The following AMZ2 variants were observed in gnomAD, a reference collection of about 807,000 sequenced individuals.
AMZ2 encodes archaemetzincin-2.
Under a neutral mutation model 36.7 loss-of-function variants are expected in AMZ2, and 26 were observed. The ratio of observed to expected loss-of-function variants is 0.71; its 90% CI spans 0.52 to 0.98. The LOEUF (loss-of-function observed/expected upper bound fraction) is 0.98. Among genes scored for constraint, AMZ2 ranks in the 50% least tolerant of loss-of-function variants. The probability of loss-of-function intolerance (pLI) is 0.00; values close to 1 mark genes in which losing one functional copy is unlikely to be tolerated. For synonymous variants in AMZ2, 144 were observed against 149.1 expected (o/e 0.97, Z 0.25); for missense variants, 394 against 430.5 (o/e 0.92, Z 0.75).
intron 1 of AMZ2, among the ~76,000 whole-genome samples, chr17:68,221,845 C>T (rs1555728633): frequency 1.3e-5 from 2 of 152,084 alleles, no homozygotes; most frequent in African/African-American, 2.4e-5. Flanking sequence ...GAGCTGAGTT[C>T]GCACCACTGC....
intron 1 of AMZ2, among the ~76,000 whole-genome samples, chr17:68,221,584 G>T (rs1489098695): frequency 1.3e-5 from 2 of 152,032 alleles, no homozygotes. Flanking sequence ...AAAATTAGCC[G>T]GGTGTGGTGG....
upstream of AMZ2, chr17:68,247,835 T>C (rs1179688402): frequency 2.0e-6 from 2 of 985,490 alleles, no homozygotes; most frequent in Non-Finnish European, 2.4e-6. Flanking sequence ...GGTGGACAGC[T>C]GGGGCTTGTA....
chr17:68,222,738 T>C (rs1555728875), intron 1 of AMZ2, among the ~76,000 whole-genome samples: 1 of 152,100 alleles, frequency 6.6e-6, no homozygotes, highest in Admixed American at 6.5e-5. Flanking sequence ...TAAGAAAATC[T>C]AATGCCACCG....
intron 1 of AMZ2, among the ~76,000 whole-genome samples, chr17:68,239,729 C>T (rs1455923645): frequency 6.6e-6 from 1 of 152,192 alleles, no homozygotes; most frequent in African/African-American, 2.4e-5. Flanking sequence ...CACTGGGAGA[C>T]TCCCCTCAGT....
At position 68,255,727 on chromosome 17, in the gene AMZ2, T is replaced by C. The variant is rs782508385; in HGVS notation, c.778T>C (p.Phe260Leu). The change falls in exon 6 of 7, where the codon TTT becomes CTT. Residue 260 changes from phenylalanine to leucine, a missense_variant. Physicochemically the swap from Phe to Leu is conservative, Grantham distance 22. Transcript: ENST00000359904. ...KTLTHEIGHI[F>L]GLRHCQWLAC... Reference sequence around the variant, plus strand: ...TTTAACCCATGAGATCGGACACATATTTGGACTGCGACACTGCCAGTGGCT... The same window carrying C: ...TTTAACCCATGAGATCGGACACATACTTGGACTGCGACACTGCCAGTGGCT... 6.2e-7 allele frequency: 1 copy of C among 1,614,172 alleles called. No individual in the cohort carries two copies. Among genetic ancestry groups the C allele is most frequent in the Admixed American group, 1.7e-5 (1 of 60,020 alleles).
Position 68,238,160 on chromosome 17 carries a change from G to A in AMZ2, c.-66-10480G>A, listed in dbSNP as rs147920880. 6.6e-5 allele frequency among the ~76,000 whole-genome samples: 10 copies of A among 152,168 alleles called. 1 individual carries two copies. The East Asian group carries it at 1.9e-3, about 29-fold the overall frequency. On this transcript the variant is annotated intron_variant, in intron 1 of 7. Transcript: ENST00000674770. The stretch of plus-strand genomic sequence containing the variant: ...ACCAAGAGGATCACAGCATCCTCCA[G>A]GGTTCAACTGAGGCCACTGACCCAG...
At chr17:68,211,538 A>G (rs2073045708) in intron 1 of AMZ2, among the ~76,000 whole-genome samples, 1 of 151,282 alleles carries the variant, frequency 6.6e-6, no homozygotes, top group Non-Finnish European at 1.5e-5. Flanking sequence ...TTGGAATTAA[A>G]TAGTGGTGAT....
intron 1 of AMZ2, among the ~76,000 whole-genome samples, chr17:68,225,144 A>G (rs1486435460): frequency 6.6e-6 from 1 of 152,122 alleles, no homozygotes; most frequent in Non-Finnish European, 1.5e-5. Context: ...GTGAGCCAGG[A>G]TGGAACCACT....
chr17:68,241,084 A>G (rs1294530864), intron 1 of AMZ2, among the ~76,000 whole-genome samples: 2 of 152,188 alleles, frequency 1.3e-5, no homozygotes, highest in African/African-American at 4.8e-5. Flanking sequence ...AGGAACAGCT[A>G]TGCAGTAGGC....
In AMZ2 at chr17:68,250,411, G is replaced by T; in HGVS notation, c.224G>T (p.Ser75Ile). 4 of 1,614,164 alleles carry T rather than the reference G, an allele frequency of 2.5e-6. No individual in the cohort carries two copies. The highest frequency in any genetic ancestry group is 2.5e-6 in the Non-Finnish European group (3 of 1,180,046). Residue 75 changes from serine to isoleucine, a missense_variant, in exon 2 of 7, where the codon AGT becomes ATT. By Grantham distance (142) the Ser-to-Ile change is moderately radical (BLOSUM62 -2). Transcript: ENST00000359904. ...CCCCAAGACTTTGAACAGTTCTTCA[G>T]TGATCCTTACAGAAAGACACCCTCT... is the stretch of plus-strand genomic sequence containing the variant. Reference protein sequence around the residue: ...EAPQDFEQFFSDPYRKTPSPN... With the variant: ...EAPQDFEQFFIDPYRKTPSPN...
At chr17:68,250,100 A>G in intron 1 of AMZ2, 88 bp from the exon 2 acceptor site, 1 of 1,388,234 alleles carries the variant, frequency 7.2e-7, no homozygotes, top group Non-Finnish European at 9.8e-7. Flanking sequence ...CACTCTAGGG[A>G]GAAATCAGAG....
chr17:68,247,886 G>A (rs540285347), upstream of AMZ2: 11 of 985,538 alleles, frequency 1.1e-5, no homozygotes, highest in South Asian at 4.7e-4. Flanking sequence ...GCGGGTCGCG[G>A]CCGCTGAACT....
chr17:68,238,503 A>G (rs1568362205), intron 1 of AMZ2, among the ~76,000 whole-genome samples: 1 of 152,144 alleles, frequency 6.6e-6, no homozygotes, highest in South Asian at 2.1e-4. Flanking sequence ...CTTTTGCTCA[A>G]TTCTTTGACT....
At chr17:68,219,359 T>TC (rs2073287043) in intron 1 of AMZ2, among the ~76,000 whole-genome samples, 1 of 152,192 alleles carries the variant, frequency 6.6e-6, no homozygotes, top group Non-Finnish European at 1.5e-5. Flanking sequence ...ACCTCTTCTG[T>TC]CTGGTTCTGT....
At chr17:68,224,721 C>G (rs1465765140) in intron 1 of AMZ2, among the ~76,000 whole-genome samples, 1 of 152,020 alleles carries the variant, frequency 6.6e-6, no homozygotes, top group Middle Eastern at 3.4e-3. Context: ...TTTAAATTTT[C>G]TTAGAGTTGG....
At chr17:68,208,371 T>C (rs12951531) in intron 1 of AMZ2, among the ~76,000 whole-genome samples, 43 of 152,130 alleles carry the variant, frequency 2.8e-4, no homozygotes, top group Non-Finnish European at 5.4e-4. Context: ...GGTTTATAAA[T>C]GCACCAATCA....
chr17:68,243,976 A>G (rs1381223489), upstream of AMZ2, among the ~76,000 whole-genome samples: 1 of 152,218 alleles, frequency 6.6e-6, no homozygotes, highest in Non-Finnish European at 1.5e-5. Context: ...TTAAATAAAT[A>G]CTAATTGGTA....
rs1555739180 is a variant in AMZ2 at position 68,250,849 on chromosome 17, C to T, written c.339C>T (p.Gly113=). The T allele has an allele frequency of 6.2e-7, 1 of 1,605,052 alleles. No individual in the cohort carries two copies. Among genetic ancestry groups the T allele is most frequent in the African/African-American group, 1.3e-5 (1 of 74,248 alleles). ...ISEEYIKWLT[G]YCKAYFYGLR... Reference sequence around the variant, plus strand: ...AAGAATATATTAAATGGCTCACGGGCTACTGTAAAGCATATTTCTATGGCT... The same window carrying T: ...AAGAATATATTAAATGGCTCACGGGTTACTGTAAAGCATATTTCTATGGCT... Residue 113 remains glycine, a synonymous_variant, in exon 3 of 7, where the codon GGC becomes GGT. Coordinates refer to ENST00000359904, the MANE Select transcript of AMZ2 (RefSeq NM_016627.5).
At chr17:68,238,315 A>G (rs7224727) in intron 1 of AMZ2, among the ~76,000 whole-genome samples, 129,159 of 152,026 alleles carry the variant, frequency 0.85, 55,534 homozygotes, top group East Asian at 1. Context: ...CTAAAGTGCT[A>G]GGATTACAGG....
Sources: gnomAD v4.1 joint callset for allele counts (sites outside exome capture counted in the v4.1 genomes callset) on GRCh38, gnomAD v4.1.1 for gene constraint, MANE v1.5 for transcripts, NCBI Gene and HGNC (gene_info 2026-07-23, HGNC 2026-07-21) for gene names.